The following AFF3 variants were observed in gnomAD, a reference collection of about 807,000 sequenced individuals.
AFF3 encodes the protein ALF transcription elongation factor 3, also known as AF4/FMR2 family member 3.
AFF3 carries 32 observed loss-of-function variants against 129.7 expected under a neutral mutation model. The ratio of observed to expected loss-of-function variants is 0.25; its 90% CI spans 0.19 to 0.33. The LOEUF (loss-of-function observed/expected upper bound fraction) is 0.33, where lower values mean the gene tolerates loss of function less well. AFF3 is among the 10% of genes least tolerant of loss of function. The pLI, the probability that AFF3 is intolerant of heterozygous loss-of-function variation, is 1.00. For synonymous variants in AFF3, 644 were observed against 635.4 expected, an observed-to-expected ratio of 1.01 and a Z score of -0.20; for missense variants, 1,373 against 1,592.0, an observed-to-expected ratio of 0.86 and a Z score of 2.34.
chr2:100,072,159 C>A (rs1228132407), intron 4 of AFF3, among the ~76,000 whole-genome samples: 1 of 152,084 alleles, frequency 6.6e-6, no homozygotes, highest in African/African-American at 2.4e-5. Context: ...CAGTCCATGG[C>A]CTGTTAGGAA....
chr2:100,129,761 A>T (rs1302266461), intron 1 of AFF3, among the ~76,000 whole-genome samples: 2 of 152,220 alleles, frequency 1.3e-5, no homozygotes, highest in Admixed American at 6.5e-5. Context: ...GCTTCAATAA[A>T]TCCTCACAAC....
At chr2:99,684,280 G>C (rs937897764) in intron 11 of AFF3, among the ~76,000 whole-genome samples, 11 of 152,170 alleles carry the variant, frequency 7.2e-5, no homozygotes, top group Non-Finnish European at 1.6e-4. Flanking sequence ...CTTATCCTAC[G>C]CTGTGTGGAC....
intron 2 of AFF3, chr2:100,106,744 A>G: frequency 2.0e-6 from 2 of 985,608 alleles, no homozygotes; most frequent in Non-Finnish European, 2.4e-6. Context: ...ACATCTGTTT[A>G]TACAAAGGAG....
Position 100,006,939 on chromosome 2 carries a change from A to C in AFF3, c.566T>G (p.Val189Gly). 1 of 1,614,180 alleles carries C rather than the reference A, an allele frequency of 6.2e-7. No homozygotes were observed. The highest frequency in any genetic ancestry group is 8.5e-7 in the Non-Finnish European group (1 of 1,180,046). ...QQPRAKQVCN[V>G]EVGLQTQERP... is the part of the protein sequence containing the mutation. ...CTCCTGGGTCTGAAGGCCCACCTCCACATTGCACACTTGTTTGGCCCGAGG... is the reference window on the plus strand; with the variant it reads ...CTCCTGGGTCTGAAGGCCCACCTCCCCATTGCACACTTGTTTGGCCCGAGG... Residue 189 changes from valine to glycine, a missense_variant, in exon 7 of 25, where the codon GTG becomes GGG. By Grantham distance (109) the Val-to-Gly change is moderately radical. Coordinates refer to ENST00000672756, the MANE Select transcript of AFF3 (RefSeq NM_001386135.1).
At chr2:99,670,010 G>A (rs551696690) in intron 12 of AFF3, among the ~76,000 whole-genome samples, 10 of 152,254 alleles carry the variant, frequency 6.6e-5, no homozygotes, top group East Asian at 1.9e-4. Flanking sequence ...CTCAAATTTC[G>A]ATGAAGTGGC....
At chr2:100,007,543 C>T in intron 5 of AFF3, 83 bp from the exon 6 acceptor site, 2 of 1,299,020 alleles carry the variant, frequency 1.5e-6, no homozygotes, top group Non-Finnish European at 2.1e-6. Context: ...TTATCAATCA[C>T]AGAGCCAGGG....
At chr2:99,702,177 A>C (rs1192543190) in intron 11 of AFF3, among the ~76,000 whole-genome samples, 1 of 152,216 alleles carries the variant, frequency 6.6e-6, no homozygotes, top group Non-Finnish European at 1.5e-5. Flanking sequence ...TATAAAAGGA[A>C]CTACCAAATT....
intron 4 of AFF3, among the ~76,000 whole-genome samples, chr2:100,075,913 G>A (rs947617727): frequency 1.3e-5 from 2 of 152,100 alleles, no homozygotes; most frequent in African/African-American, 4.8e-5. Flanking sequence ...GTGTGACCTG[G>A]CTACTTAAGA....
intron 7 of AFF3, among the ~76,000 whole-genome samples, chr2:99,940,277 C>G (rs1193851067): frequency 6.6e-6 from 1 of 152,146 alleles, no homozygotes; most frequent in Non-Finnish European, 1.5e-5. Context: ...ATAGAATATT[C>G]CAGTTCTCCA....
intron 11 of AFF3, among the ~76,000 whole-genome samples, chr2:99,725,990 C>T (rs1679333503): frequency 6.6e-6 from 1 of 152,134 alleles, no homozygotes; most frequent in Non-Finnish European, 1.5e-5. Context: ...AGAATGCCTC[C>T]AGATGGCATT....
chr2:99,564,050 T>C (rs183014855), intron 20 of AFF3, among the ~76,000 whole-genome samples: 49 of 152,274 alleles, frequency 3.2e-4, no homozygotes, highest in African/African-American at 1.2e-3. Flanking sequence ...GCTTGCTTGT[T>C]TGATTTTCAA....
At chr2:100,041,522 C>T (rs992645629) in intron 4 of AFF3, among the ~76,000 whole-genome samples, 2 of 152,008 alleles carry the variant, frequency 1.3e-5, no homozygotes, top group African/African-American at 2.4e-5. Flanking sequence ...AAAGCCCCCA[C>T]GTGCCCCCAA....
chr2:99,697,937 T>G (rs1463486968), intron 11 of AFF3, among the ~76,000 whole-genome samples: 1 of 152,248 alleles, frequency 6.6e-6, no homozygotes. Context: ...TGCCAATATA[T>G]GCACACCTGC....
chr2:100,063,821 G>A (rs1398016272), intron 4 of AFF3, among the ~76,000 whole-genome samples: 1 of 152,096 alleles, frequency 6.6e-6, no homozygotes, highest in East Asian at 1.9e-4. Flanking sequence ...TGGGCGCGGT[G>A]GCTCACACCT....
At chr2:100,092,441 T>C (rs1302192043) in intron 4 of AFF3, among the ~76,000 whole-genome samples, 8 of 152,144 alleles carry the variant, frequency 5.3e-5, no homozygotes, top group Non-Finnish European at 1.0e-4. Flanking sequence ...GACTCATCCA[T>C]CTATAGTGCC....
intron 4 of AFF3, among the ~76,000 whole-genome samples, chr2:100,092,974 C>T (rs528099060): frequency 6.6e-6 from 1 of 151,888 alleles, no homozygotes; most frequent in East Asian, 1.9e-4. Flanking sequence ...GTGTCTGGCT[C>T]AATAAAAGGA....
chr2:100,078,396 C>A (rs1399923805), intron 4 of AFF3, among the ~76,000 whole-genome samples: 1 of 151,994 alleles, frequency 6.6e-6, no homozygotes, highest in Non-Finnish European at 1.5e-5. Context: ...TTTTTTTGAA[C>A]CAAAATCATA....
At chr2:99,568,599 C>G (rs1342462556) in intron 19 of AFF3, among the ~76,000 whole-genome samples, 1 of 152,158 alleles carries the variant, frequency 6.6e-6, no homozygotes, top group African/African-American at 2.4e-5. Flanking sequence ...TCCACTGGCT[C>G]TAGTTACTAT....
intron 7 of AFF3, among the ~76,000 whole-genome samples, chr2:99,978,572 G>A (rs1334663451): frequency 2.0e-5 from 3 of 152,188 alleles, no homozygotes; most frequent in Non-Finnish European, 4.4e-5. Flanking sequence ...GGTGCCACGT[G>A]TGTGCATGGC....
Sources: gnomAD v4.1 joint callset for allele counts (sites outside exome capture counted in the v4.1 genomes callset) on GRCh38, gnomAD v4.1.1 for gene constraint, MANE v1.5 for transcripts, NCBI Gene and HGNC (gene_info 2026-07-23, HGNC 2026-07-21) for gene names.